Variants in USH2A observed in about 807,000 individuals in gnomAD.
USH2A encodes the protein Usher syndrome 2A (autosomal recessive, mild).
USH2A carries 443 observed loss-of-function variants against 538.9 expected under a neutral mutation model. That is an observed-to-expected ratio of 0.82 (90% CI 0.76 to 0.89). USH2A has a LOEUF of 0.89. Among genes scored for constraint, USH2A ranks in the 40% least tolerant of loss-of-function variants. The probability of loss-of-function intolerance (pLI) is 0.00; values close to 1 mark genes in which losing one functional copy is unlikely to be tolerated. For missense variants in USH2A, 6,633 were observed against 6,324.8 expected (o/e 1.05, Z -1.65); for synonymous variants, 2,413 against 2,273.5 (o/e 1.06, Z -1.75).
In USH2A at chr1:215,675,633, G is replaced by A. The variant is rs1442487410; in HGVS notation, c.12295-17C>T. The A allele has an allele frequency of 1.2e-6, 2 of 1,613,926 alleles. No individual in the cohort carries two copies. The highest frequency in any genetic ancestry group is 2.2e-5 in the East Asian group (1 of 44,892). On this transcript the variant is annotated splice_polypyrimidine_tract_variant and intron_variant, in intron 62 of 71. Coordinates refer to ENST00000307340, the MANE Select transcript of USH2A (RefSeq NM_206933.4). ...GTTGTATGTCTACAGAAGGACAGAAGCAAAAGGGATAACTTGCAGCATACA... is the reference window on the plus strand; with the variant it reads ...GTTGTATGTCTACAGAAGGACAGAAACAAAAGGGATAACTTGCAGCATACA...
chr1:216,100,941 A>G (rs2032562615), intron 21 of USH2A, among the ~76,000 whole-genome samples: 1 of 152,222 alleles, frequency 6.6e-6, no homozygotes, highest in Non-Finnish European at 1.5e-5. Context: ...AATATTTTAC[A>G]CAGATCAAGG....
chr1:216,119,383 G>A (rs1210365279), intron 21 of USH2A, among the ~76,000 whole-genome samples: 2 of 151,900 alleles, frequency 1.3e-5, no homozygotes, highest in Non-Finnish European at 2.9e-5. Flanking sequence ...CAGTGGAACT[G>A]AGTTGTTTAG....
At chr1:215,752,102 T>A (rs1338212596) in intron 58 of USH2A, among the ~76,000 whole-genome samples, 2 of 152,142 alleles carry the variant, frequency 1.3e-5, no homozygotes, top group Non-Finnish European at 2.9e-5. Flanking sequence ...TCTCTCTCTC[T>A]TTGTGTGTAT....
At chr1:216,380,531 C>T (rs2038906906) in intron 3 of USH2A, among the ~76,000 whole-genome samples, 1 of 152,048 alleles carries the variant, frequency 6.6e-6, no homozygotes, top group African/African-American at 2.4e-5. Flanking sequence ...CAGTTATTTT[C>T]CAGGCTGTAA....
intron 68 of USH2A, 30 bp downstream of exon 68, chr1:215,640,528 C>T (rs772225726): frequency 6.2e-7 from 1 of 1,612,842 alleles, no homozygotes; most frequent in East Asian, 2.2e-5. Context: ...GAGCGCCTTC[C>T]ACACTGAGAA....
chr1:216,155,294 G>A (rs1309197924), intron 21 of USH2A, among the ~76,000 whole-genome samples: 2 of 152,138 alleles, frequency 1.3e-5, no homozygotes, highest in Non-Finnish European at 2.9e-5. Context: ...GGAGGGGCCT[G>A]AATGCTGCTA....
intron 71 of USH2A, among the ~76,000 whole-genome samples, chr1:215,627,040 AT>A (rs1571912904): frequency 6.6e-6 from 1 of 152,334 alleles, no homozygotes; most frequent in East Asian, 1.9e-4. Context: ...ACAGCCTGTG[AT>A]TTTAAAATGC....
Position 215,628,977 on chromosome 1 carries a change from C to A in USH2A, c.15356G>T (p.Arg5119Leu), listed in dbSNP as rs201630132. Residue 5119 changes from arginine (R) to leucine (L), a missense_variant, in exon 71 of 72, where the codon CGG becomes CTG. Transcript: ENST00000307340. ...CGGGATGCGCAGGACACATGCACTC[C>A]GGTTGCTGCGGATACTCACAGGTGT... ...SGTPVSIRSN[R>L]SACVLRIPSQ... is the part of the protein sequence containing the mutation. 3 of 1,613,920 alleles carry A rather than the reference C, an allele frequency of 1.9e-6. No individual in the cohort carries two copies. Among genetic ancestry groups the A allele is most frequent in the Non-Finnish European group, 2.5e-6 (3 of 1,180,040 alleles).
In USH2A at chr1:216,083,480, G is replaced by T; in HGVS notation, c.5274C>A (p.Asn1758Lys). Residue 1758 changes from asparagine to lysine, a missense_variant, in exon 26 of 72, where the codon AAC becomes AAA. Transcript: ENST00000307340. ...CAGCAAGAAAATCAGGTCCATCTTT[G>T]TTATAAACGAAAAGAAGCAATCCAT... ...QLNGLLLFVY[N>K]KDGPDFLAME... 6.2e-7 allele frequency: 1 copy of T among 1,612,026 alleles called. No individual in the cohort carries two copies. The highest frequency in any genetic ancestry group is 8.5e-7 in the Non-Finnish European group (1 of 1,179,080).
chr1:215,649,517 AGTTT>A (rs1201261319), intron 65 of USH2A, among the ~76,000 whole-genome samples: 11 of 152,348 alleles, frequency 7.2e-5, no homozygotes, highest in African/African-American at 2.4e-4. Context: ...AAATTATTTT[AGTTT>A]ATTATCATTT....
intron 21 of USH2A, among the ~76,000 whole-genome samples, chr1:216,133,197 A>C (rs1321716218): frequency 6.6e-6 from 1 of 152,194 alleles, no homozygotes; most frequent in African/African-American, 2.4e-5. Flanking sequence ...AGCAACAAAA[A>C]TCTGGCTAAC....
In USH2A at chr1:215,845,958, T is replaced by A. The variant is rs1426591816; in HGVS notation, c.8921A>T (p.Lys2974Ile). The change falls in exon 45 of 72, where the codon AAA becomes ATA. Residue 2974 changes from lysine to isoleucine, a missense_variant. Physicochemically the swap from Lys to Ile is moderately radical, Grantham distance 102 (BLOSUM62 -3). Transcript: ENST00000307340. ...ATGAGAGTTTACATCTGGCAAGATT[T>A]TTAGAGAGTCGTTTGAGGTAGCAGA... is the stretch of plus-strand genomic sequence containing the variant. ...WSSATSNDSL[K>I]ILPDVNSHVI... The A allele has an allele frequency of 6.2e-7, 1 of 1,613,808 alleles. No homozygotes were observed. Among genetic ancestry groups the A allele is most frequent in the Non-Finnish European group, 8.5e-7 (1 of 1,179,958 alleles).
At chr1:215,891,874 A>G (rs1665218343) in intron 40 of USH2A, among the ~76,000 whole-genome samples, 3 of 152,110 alleles carry the variant, frequency 2.0e-5, no homozygotes, top group Non-Finnish European at 4.4e-5. Flanking sequence ...CCGTGGGTGT[A>G]ATTGTTTAGA....
intron 9 of USH2A, among the ~76,000 whole-genome samples, chr1:216,296,974 C>T (rs922425545): frequency 6.6e-6 from 1 of 151,748 alleles, no homozygotes; most frequent in South Asian, 2.1e-4. Flanking sequence ...ACATCAAATG[C>T]ATACTCTCAT....
intron 64 of USH2A, 25 bp downstream of exon 64, chr1:215,670,947 A>C (rs1346550051): frequency 5.6e-6 from 9 of 1,612,942 alleles, no homozygotes; most frequent in Non-Finnish European, 7.6e-6. Flanking sequence ...ATCAGCTCGA[A>C]TTGTTTATAA....
At chr1:216,360,369 A>G (rs570985835) in intron 4 of USH2A, among the ~76,000 whole-genome samples, 1 of 152,236 alleles carries the variant, frequency 6.6e-6, no homozygotes, top group African/African-American at 2.4e-5. Context: ...ATACAGAGAC[A>G]GTGAAAAGAT....
intron 58 of USH2A, among the ~76,000 whole-genome samples, chr1:215,752,243 C>T (rs1660643493): frequency 6.6e-6 from 1 of 152,162 alleles, no homozygotes; most frequent in South Asian, 2.1e-4. Context: ...GAGGCTCGCT[C>T]ACCATTGTGT....
intron 44 of USH2A, among the ~76,000 whole-genome samples, chr1:215,864,682 A>G (rs189990843): frequency 7.6e-4 from 116 of 152,330 alleles, no homozygotes; most frequent in African/African-American, 2.7e-3. Flanking sequence ...AAAACAGTGT[A>G]TGGAAGCTGG....
chr1:216,071,195 T>C (rs1459695316), intron 29 of USH2A, among the ~76,000 whole-genome samples: 1 of 152,160 alleles, frequency 6.6e-6, no homozygotes, highest in African/African-American at 2.4e-5. Context: ...AGGATCACTC[T>C]GGTTTTTCCA....
Sources: gnomAD v4.1 joint callset for allele counts (sites outside exome capture counted in the v4.1 genomes callset) on GRCh38, gnomAD v4.1.1 for gene constraint, MANE v1.5 for transcripts, NCBI Gene and HGNC (gene_info 2026-07-23, HGNC 2026-07-21) for gene names.